Variants in IGF2R observed in about 807,000 individuals in gnomAD.
The protein encoded by IGF2R is cation-independent mannose-6-phosphate receptor.
Under a neutral mutation model 270.6 loss-of-function variants are expected in IGF2R, and 91 were observed. The observed-to-expected ratio is 0.34, with a 90% CI of 0.28 to 0.40. IGF2R has a LOEUF of 0.40. Ranked by LOEUF, IGF2R falls within the 10% of genes least tolerant of loss-of-function variation. The pLI, the probability that IGF2R is intolerant of heterozygous loss-of-function variation, is 1.00. For synonymous variants in IGF2R, 1,316 were observed against 1,258.9 expected (o/e 1.05, Z -0.96); for missense variants, 2,805 against 3,188.3 (o/e 0.88, Z 2.90).
At position 160,010,658 on chromosome 6, in the gene IGF2R, A is replaced by C. The variant is rs761433287; in HGVS notation, c.415-29A>C. On this transcript the variant is annotated intron_variant, in intron 3 of 47. Coordinates refer to ENST00000356956, the MANE Select transcript of IGF2R (RefSeq NM_000876.4). Reference sequence around the variant, plus strand: ...AATCTTTACAATGTGTGGTATGGTAACATTATAATTACTATTTTTTTTTAA... The same window carrying C: ...AATCTTTACAATGTGTGGTATGGTACCATTATAATTACTATTTTTTTTTAA... The C allele has an allele frequency of 1.2e-5, 15 of 1,242,166 alleles. No individual in the cohort carries two copies. The Admixed American group carries it at 2.4e-4, about 20-fold the overall frequency. The allele number at this position is 1,242,166 out of a possible 1,614,324, so 76.9% of individuals were successfully genotyped here.
chr6:160,074,983 G>T (rs1273949052), intron 35 of IGF2R, among the ~76,000 whole-genome samples: 1 of 152,220 alleles, frequency 6.6e-6, no homozygotes, highest in East Asian at 1.9e-4. Context: ...AATGTTAAAA[G>T]ATGTAGAAAG....
At position 160,050,583 on chromosome 6, in the gene IGF2R, C is replaced by T. The variant is rs149020070; in HGVS notation, c.2625C>T (p.Cys875=). 576 of 1,614,034 alleles carry T rather than the reference C, an allele frequency of 3.6e-4. 3 individuals are homozygous for T. In the African/African-American group the frequency reaches 7.1e-3, roughly 20 times the overall value. The change falls in exon 19 of 48, where the codon TGC becomes TGT. Residue 875 remains cysteine (C), a synonymous_variant. Coordinates refer to ENST00000356956, the MANE Select transcript of IGF2R (RefSeq NM_000876.4). The surrounding 1 kb of genome is among the most constrained non-coding windows in gnomAD (Gnocchi z 4.0). Reference sequence around the variant, plus strand: ...TGGAATACGTGAATGGGTCGGCCTGCACCACCAGCGATGGCAGACAGACCA... The same window carrying T: ...TGGAATACGTGAATGGGTCGGCCTGTACCACCAGCGATGGCAGACAGACCA... The part of the protein sequence containing the change: ...LLLEYVNGSA[C]TTSDGRQTTY...
intron 2 of IGF2R, among the ~76,000 whole-genome samples, chr6:159,997,894 G>A (rs984331625): frequency 3.3e-5 from 5 of 152,154 alleles, no homozygotes; most frequent in Non-Finnish European, 5.9e-5. Flanking sequence ...TTTAGAGTAC[G>A]AAGATAAGGG....
rs1451748083 is a variant in IGF2R at position 159,969,274 on chromosome 6, C to T, written c.28C>T (p.His10Tyr). 2 of 1,152,070 alleles carry T rather than the reference C, an allele frequency of 1.7e-6. No homozygotes were observed. The highest frequency in any genetic ancestry group is 4.8e-5 in the Admixed American group (1 of 20,872). 71.4% of individuals were successfully genotyped at this position (1,152,070 alleles called of 1,614,324 possible). MGAAAGRSP[H>Y]LGPAPARRPQ... ...GGGGGCCGCCGCCGGCCGGAGCCCC[C>T]ACCTGGGGCCCGCGCCCGCCCGCCG... The change falls in exon 1 of 48, where the codon CAC becomes TAC. Residue 10 changes from histidine to tyrosine, a missense_variant. Around this residue, in one of 2 missense-constraint regions of IGF2R, gnomAD observed 954 missense variants for 981.1 expected, o/e 0.97. Transcript: ENST00000356956.
In IGF2R at chr6:160,109,461, T is replaced by A. The variant is rs1779696707; in HGVS notation, c.*4377T>A. 1 of 152,248 alleles carries A rather than the reference T, an allele frequency of 6.6e-6. No individual in the cohort carries two copies. The highest frequency in any genetic ancestry group is 2.1e-4 in the South Asian group (1 of 4,836). 9.4% of individuals were successfully genotyped at this position (152,248 alleles called of 1,614,324 possible). ...CATTCAAACTTACAGAACAAAGAAC[T>A]ATTTTTTCCCTGAATCATTTGAGAC... On this transcript the variant is annotated 3_prime_UTR_variant, in exon 48 of 48. Transcript: ENST00000356956.
At chr6:160,072,929 C>T (rs1183845815) in intron 33 of IGF2R, 45 bp downstream of exon 33, 3 of 1,571,478 alleles carry the variant, frequency 1.9e-6, no homozygotes, top group Non-Finnish European at 2.6e-6. Context: ...CTCCCGTCCT[C>T]TGGGGTTGTC....
intron 44 of IGF2R, chr6:160,093,688 G>A: frequency 1.3e-6 from 1 of 755,830 alleles, no homozygotes; most frequent in Non-Finnish European, 2.5e-6. Context: ...AAACCATTGA[G>A]GATAATGAAA....
intron 1 of IGF2R, among the ~76,000 whole-genome samples, chr6:159,970,921 T>C (rs1407558878): frequency 6.6e-6 from 1 of 150,722 alleles, no homozygotes; most frequent in Admixed American, 6.6e-5. Flanking sequence ...CTACAAAAAA[T>C]ATGAAAATTA....
intron 30 of IGF2R, among the ~76,000 whole-genome samples, chr6:160,069,493 A>C (rs1020690226): frequency 2.6e-5 from 4 of 152,176 alleles, no homozygotes; most frequent in Non-Finnish European, 5.9e-5. Context: ...AACAGGCAGA[A>C]TTCTTGGTAG....
At chr6:160,010,003 G>A (rs942974772) in intron 3 of IGF2R, among the ~76,000 whole-genome samples, 4 of 152,148 alleles carry the variant, frequency 2.6e-5, no homozygotes, top group East Asian at 1.9e-4. Flanking sequence ...GAATCTGTTC[G>A]CAGCAGCATT....
chr6:160,050,728 A>G lies in IGF2R; in HGVS notation c.2694+76A>G. On this transcript the variant is annotated intron_variant, in intron 19 of 47. Coordinates refer to ENST00000356956, the MANE Select transcript of IGF2R (RefSeq NM_000876.4). This position sits in a 1 kb window ranked among gnomAD's most constrained non-coding sequence, Gnocchi z 4.0. ...AGCGTTGCCTTATGTGTCTCTTAAC[A>G]GCAGCAGTCTTGGGGTGGGTGGCGG... 1.5e-6 allele frequency: 2 copies of G among 1,356,416 alleles called. No individual in the cohort carries two copies. Among genetic ancestry groups the G allele is most frequent in the Non-Finnish European group, 1.0e-6 (1 of 994,138 alleles). The allele number at this position is 1,356,416 out of a possible 1,614,324, so 84.0% of individuals were successfully genotyped here. A position where few individuals can be genotyped will look rare whatever the true frequency, so the allele number is the denominator to read the frequency against.
At chr6:160,016,594 A>G (rs928232191) in intron 4 of IGF2R, among the ~76,000 whole-genome samples, 3 of 152,226 alleles carry the variant, frequency 2.0e-5, no homozygotes, top group Non-Finnish European at 4.4e-5. Context: ...CTGCTGAGAC[A>G]AGTGCACAAT....
chr6:160,027,952 C>T (rs1192785240), intron 6 of IGF2R, among the ~76,000 whole-genome samples: 1 of 152,134 alleles, frequency 6.6e-6, no homozygotes, highest in Non-Finnish European at 1.5e-5. Flanking sequence ...CGTGGCATGT[C>T]TGGGTGGTTG....
rs1213057841 is a variant in IGF2R at position 160,046,501 on chromosome 6, T to G, written c.1907T>G (p.Phe636Cys). Reference sequence around the variant, plus strand: ...TATTGTTTTTATTCTTTCTTAGGGTTTTCTTTTGACTTATCACCTCTCACA... The same window carrying G: ...TATTGTTTTTATTCTTTCTTAGGGTGTTCTTTTGACTTATCACCTCTCACA... ...NCTVFDSQAG[F>C]SFDLSPLTKK... The change falls in exon 15 of 48, where the codon TTT (phenylalanine) becomes TGT (cysteine). Residue 636 changes from phenylalanine to cysteine, a missense_variant. Around this residue, in one of 2 missense-constraint regions of IGF2R, gnomAD observed 954 missense variants for 981.1 expected, o/e 0.97. Transcript: ENST00000356956. 2 of 1,605,482 alleles carry G rather than the reference T, an allele frequency of 1.2e-6. No individual in the cohort carries two copies. Among genetic ancestry groups the G allele is most frequent in the Non-Finnish European group, 1.7e-6 (2 of 1,178,128 alleles).
At chr6:160,056,684 T>A (rs925445411) in intron 20 of IGF2R, among the ~76,000 whole-genome samples, 159 bp downstream of exon 20, 1 of 152,206 alleles carries the variant, frequency 6.6e-6, no homozygotes, top group Admixed American at 6.5e-5. Flanking sequence ...AGAGTTCCTC[T>A]CCACTCCGCA....
rs555813402 is a variant in IGF2R, at chr6:160,085,253, T to C, written c.6205+122T>C. 7.1e-5 allele frequency: 72 copies of C among 1,009,340 alleles called. No homozygotes were observed. In the Middle Eastern group the frequency reaches 1.3e-3, roughly 18 times the overall value. The allele number at this position is 1,009,340 out of a possible 1,614,324, so 62.5% of individuals were successfully genotyped here. ...TTTGGTGGAAACCTCCAGATATGAT[T>C]GCCTGTCACTGTCTCACAGGCATTT... On this transcript the variant is annotated intron_variant, in intron 41 of 47. Coordinates refer to ENST00000356956, the MANE Select transcript of IGF2R (RefSeq NM_000876.4).
At chr6:160,035,479 G>T (rs1409246700) in intron 10 of IGF2R, among the ~76,000 whole-genome samples, 1 of 152,172 alleles carries the variant, frequency 6.6e-6, no homozygotes, top group Non-Finnish European at 1.5e-5. Flanking sequence ...GCACCCCTGC[G>T]AACGTCCTAG....
chr6:160,097,394 G>A (rs562614105), intron 45 of IGF2R, among the ~76,000 whole-genome samples: 5 of 152,202 alleles, frequency 3.3e-5, no homozygotes, highest in South Asian at 2.1e-4. Flanking sequence ...GCAGTGGTGC[G>A]GTCTTGGCTC....
At position 160,099,443 on chromosome 6, in the gene IGF2R, T is replaced by G. The variant is rs955905392; in HGVS notation, c.6842+2818T>G. Among the ~76,000 whole-genome samples the G allele has an allele frequency of 2.0e-5, 3 of 152,180 alleles. No homozygotes were observed. In the East Asian group the frequency reaches 5.8e-4, roughly 29 times the overall value. ...GTGCAGTGGCGCGATCTCGGCTCACTGCAAGCTCTGCCTCCCAGGTTCACG... is the reference window on the plus strand; with the variant it reads ...GTGCAGTGGCGCGATCTCGGCTCACGGCAAGCTCTGCCTCCCAGGTTCACG... On this transcript the variant is annotated intron_variant, in intron 45 of 47. Transcript: ENST00000356956.
Sources: gnomAD v4.1 joint callset for allele counts (sites outside exome capture counted in the v4.1 genomes callset) on GRCh38, gnomAD v4.1.1 for gene constraint, gnomAD v4.1.1 regional missense constraint, Gnocchi (gnomAD v3.1) non-coding constraint, MANE v1.5 for transcripts, NCBI Gene and HGNC (gene_info 2026-07-23, HGNC 2026-07-21) for gene names.